GHR: variants seen among roughly 807,000 people sequenced by gnomAD.
GHR encodes GH receptor.
A neutral mutation model predicts 67.1 loss-of-function variants in GHR; 35 were observed. The observed-to-expected ratio is 0.52, with a 90% CI of 0.40 to 0.69. The LOEUF (loss-of-function observed/expected upper bound fraction) is 0.69. Ranked by LOEUF, GHR falls within the 30% of genes least tolerant of loss-of-function variation. The pLI is 0.00. For synonymous variants in GHR, 272 were observed against 269.1 expected (o/e 1.01, Z -0.10); for missense variants, 792 against 764.6 (o/e 1.04, Z -0.42).
At chr5:42,574,540 C>A in intron 2 of GHR, among the ~76,000 whole-genome samples, 1 of 152,126 alleles carries the variant, frequency 6.6e-6, no homozygotes, top group East Asian at 1.9e-4. Flanking sequence ...GCCATATTTG[C>A]TTGACAAACT....
intron 6 of GHR, among the ~76,000 whole-genome samples, chr5:42,705,484 T>C (rs1758132089): frequency 6.6e-6 from 1 of 152,092 alleles, no homozygotes; most frequent in Non-Finnish European, 1.5e-5. Context: ...GGGTTTACCA[T>C]ACAGATTATT....
intron 1 of GHR, among the ~76,000 whole-genome samples, chr5:42,518,623 A>G (rs570191219): frequency 6.6e-6 from 1 of 152,280 alleles, no homozygotes; most frequent in African/African-American, 2.4e-5. Context: ...GTTAGCGAGC[A>G]TTTGGATCAC....
chr5:42,687,886 A>G (rs936325477), intron 3 of GHR, among the ~76,000 whole-genome samples: 2 of 152,212 alleles, frequency 1.3e-5, no homozygotes, highest in Non-Finnish European at 2.9e-5. Context: ...AAATCTCCAA[A>G]ATGGCCATGG....
chr5:42,485,915 A>AGTTC (rs1745858213), intron 1 of GHR, among the ~76,000 whole-genome samples: 1 of 152,208 alleles, frequency 6.6e-6, no homozygotes, highest in Non-Finnish European at 1.5e-5. Context: ...ACTGAAGTCC[A>AGTTC]TACTCTACCC....
intron 1 of GHR, among the ~76,000 whole-genome samples, chr5:42,515,411 C>G (rs768672272): frequency 2.6e-5 from 4 of 152,172 alleles, no homozygotes; most frequent in Non-Finnish European, 5.9e-5. Context: ...GCTTTATAAG[C>G]TCCTGCATTT....
chr5:42,580,272 G>C (rs1046358587), intron 2 of GHR, among the ~76,000 whole-genome samples: 3 of 152,010 alleles, frequency 2.0e-5, no homozygotes, highest in African/African-American at 7.2e-5. Flanking sequence ...TACTATTTTC[G>C]GTGCTTGCAA....
At chr5:42,453,071 T>C (rs1744118250) in intron 1 of GHR, among the ~76,000 whole-genome samples, 1 of 152,112 alleles carries the variant, frequency 6.6e-6, no homozygotes, top group African/African-American at 2.4e-5. Context: ...TAATTTCTTA[T>C]TTTTTCTTTC....
intron 6 of GHR, among the ~76,000 whole-genome samples, chr5:42,709,471 A>C (rs1758346855): frequency 6.6e-6 from 1 of 152,132 alleles, no homozygotes; most frequent in South Asian, 2.1e-4. Context: ...ATTTTGCATG[A>C]CCATGTGGTT....
chr5:42,563,568 A>T (rs1386413030), intron 1 of GHR, among the ~76,000 whole-genome samples: 1 of 137,844 alleles, frequency 7.3e-6, no homozygotes, highest in Non-Finnish European at 1.5e-5. Context: ...CAGTGAGCCG[A>T]GATTGCGCCA....
In GHR at chr5:42,467,830, C is replaced by A. The variant is rs1034377580; in HGVS notation, c.-12+43875C>A. 3.3e-6 allele frequency: 4 copies of A among 1,197,110 alleles called. No individual in the cohort carries two copies. The Admixed American group carries it at 6.3e-5, about 19-fold the overall frequency. 74.2% of individuals were successfully genotyped at this position (1,197,110 alleles called of 1,614,324 possible). A position where few individuals can be genotyped will look rare whatever the true frequency, so the allele number is the denominator to read the frequency against. On this transcript the variant is annotated intron_variant, in intron 1 of 9. Transcript: ENST00000230882. ...AAGACTTTCGCCCAAGCTGGGTTTT[C>A]GGATTGTTAACAGTGTCAGAATTAA... is the stretch of plus-strand genomic sequence containing the variant.
chr5:42,650,253 G>C (rs2112820605), intron 3 of GHR, among the ~76,000 whole-genome samples: 1 of 152,154 alleles, frequency 6.6e-6, no homozygotes, highest in Admixed American at 6.5e-5. Flanking sequence ...ATTACAGAAA[G>C]CAGCAGTGAC....
intron 1 of GHR, among the ~76,000 whole-genome samples, chr5:42,483,570 T>C (rs1337758928): frequency 6.6e-6 from 1 of 152,130 alleles, no homozygotes; most frequent in African/African-American, 2.4e-5. Context: ...ATAATTATTA[T>C]TGAGGAATAG....
chr5:42,468,249 T>C, intron 1 of GHR: 2 of 1,553,784 alleles, frequency 1.3e-6, no homozygotes, highest in South Asian at 2.2e-5. Flanking sequence ...AGTTTTCTTC[T>C]TCCTCCTCCT....
chr5:42,640,571 A>G (rs1754417781), intron 3 of GHR, among the ~76,000 whole-genome samples: 1 of 152,116 alleles, frequency 6.6e-6, no homozygotes, highest in Non-Finnish European at 1.5e-5. Context: ...TATCTCCTAT[A>G]TAAATTCATG....
intron 3 of GHR, among the ~76,000 whole-genome samples, chr5:42,632,156 C>T (rs1280474014): frequency 6.6e-6 from 1 of 152,172 alleles, no homozygotes; most frequent in Non-Finnish European, 1.5e-5. Context: ...AGACCCTGAA[C>T]ACCCACCCCA....
chr5:42,453,527 C>A (rs1390041034), intron 1 of GHR, among the ~76,000 whole-genome samples: 1 of 152,124 alleles, frequency 6.6e-6, no homozygotes, highest in Non-Finnish European at 1.5e-5. Flanking sequence ...CCTCAGCTCC[C>A]CTGCCAAGTC....
At chr5:42,689,072 G>A in intron 4 of GHR, 53 bp downstream of exon 4, 1 of 1,469,496 alleles carries the variant, frequency 6.8e-7, no homozygotes, top group Non-Finnish European at 9.5e-7. Context: ...ACCTACTAAA[G>A]TACACTGAGT....
At chr5:42,468,735 G>GC in intron 1 of GHR, 1 of 996,904 alleles carries the variant, frequency 1.0e-6, no homozygotes, top group Non-Finnish European at 1.6e-6. Context: ...CAGAGACGCC[G>GC]CCCCCGCCAG....
chr5:42,546,464 A>G (rs749073963), intron 1 of GHR, among the ~76,000 whole-genome samples: 18 of 152,162 alleles, frequency 1.2e-4, no homozygotes, highest in Non-Finnish European at 2.4e-4. Flanking sequence ...TGAAGGATGC[A>G]TATGCCACTT....
Sources: gnomAD v4.1 joint callset for allele counts (sites outside exome capture counted in the v4.1 genomes callset) on GRCh38, gnomAD v4.1.1 for gene constraint, MANE v1.5 for transcripts, NCBI Gene and HGNC (gene_info 2026-07-23, HGNC 2026-07-21) for gene names.